RASA1: variants seen among roughly 807,000 people sequenced by gnomAD.
The protein encoded by RASA1 is RAS p21 protein activator 1.
Under a neutral mutation model 132.2 loss-of-function variants are expected in RASA1, and 25 were observed. That is an observed-to-expected ratio of 0.19 (90% CI 0.14 to 0.26). The LOEUF is 0.26. Ranked by LOEUF, RASA1 falls within the 10% of genes least tolerant of loss-of-function variation. The pLI is 1.00. For synonymous variants in RASA1, 477 were observed against 449.9 expected (o/e 1.06, Z -0.76); for missense variants, 964 against 1,299.2 (o/e 0.74, Z 3.97).
At chr5:87,337,356 A>G (rs1417127550) in intron 4 of RASA1, among the ~76,000 whole-genome samples, 1 of 152,042 alleles carries the variant, frequency 6.6e-6, no homozygotes, top group African/African-American at 2.4e-5. Flanking sequence ...TTCTCATAAT[A>G]TATCCCTTGG....
chr5:87,292,491 T>G (rs1163864103), intron 1 of RASA1, among the ~76,000 whole-genome samples: 1 of 152,074 alleles, frequency 6.6e-6, no homozygotes, highest in African/African-American at 2.4e-5. Flanking sequence ...TATTTGGGTC[T>G]GTTTCTGGGT....
At chr5:87,373,002 C>T (rs548796129) in intron 13 of RASA1, among the ~76,000 whole-genome samples, 1 of 152,208 alleles carries the variant, frequency 6.6e-6, no homozygotes, top group Non-Finnish European at 1.5e-5. Context: ...ATCGCCATGT[C>T]TTCATAACAT....
intron 1 of RASA1, among the ~76,000 whole-genome samples, chr5:87,282,844 A>AG (rs1226204026): frequency 5.3e-5 from 8 of 152,196 alleles, no homozygotes; most frequent in Non-Finnish European, 1.2e-4. Flanking sequence ...GTTGAAAAAA[A>AG]TAATTTTTAA....
rs180981993 is a variant in RASA1, at chr5:87,303,711, G to A, written c.540-27637G>A. ...ATATGGTTTCAGATTAATGTTCTAT[G>A]TTCACTTGAAAGGTATATATATATA... is the stretch of plus-strand genomic sequence containing the variant. On this transcript the variant is annotated intron_variant, in intron 1 of 24. Transcript: ENST00000274376. Among the ~76,000 whole-genome samples the A allele has an allele frequency of 2.0e-5, 3 of 151,504 alleles. No homozygotes were observed. The East Asian group carries it at 5.8e-4, about 29-fold the overall frequency.
chr5:87,360,164 T>TAAA (rs1298090682), intron 9 of RASA1, among the ~76,000 whole-genome samples: 12 of 151,840 alleles, frequency 7.9e-5, no homozygotes, highest in Non-Finnish European at 1.5e-4. Context: ...CGCTCTTTTT[T>TAAA]GCTCAGGCTT....
Position 87,309,796 on chromosome 5 carries a change from A to T in RASA1, c.540-21552A>T, listed in dbSNP as rs146633784. Reference sequence around the variant, plus strand: ...CTATAGTTTTTATAGTATTAAAAAAATACTTTAACTTGTTTAACATTTAAT... The same window carrying T: ...CTATAGTTTTTATAGTATTAAAAAATTACTTTAACTTGTTTAACATTTAAT... On this transcript the variant is annotated intron_variant, in intron 1 of 24. Coordinates refer to ENST00000274376, the MANE Select transcript of RASA1 (RefSeq NM_002890.3). Among the ~76,000 whole-genome samples, 403 of 152,220 alleles carry T rather than the reference A, an allele frequency of 2.6e-3. 5 individuals carry two copies. The highest frequency in any genetic ancestry group is 7.9e-3 in the East Asian group (41 of 5,184).
At chr5:87,281,904 T>A (rs1240696367) in intron 1 of RASA1, among the ~76,000 whole-genome samples, 1 of 152,086 alleles carries the variant, frequency 6.6e-6, no homozygotes, top group Non-Finnish European at 1.5e-5. Context: ...CGAGTTGAGT[T>A]TTTTTGTTTT....
At position 87,391,916 on chromosome 5, in the gene RASA1, A is replaced by T. The variant is rs1762555492; in HGVS notation, c.*1033A>T. On this transcript the variant is annotated 3_prime_UTR_variant, in exon 25 of 25. Transcript: ENST00000274376. Reference sequence around the variant, plus strand: ...AAAATAAAACCAAGGGATATCTTGCATAATTGATTACTTCTGTCTAAAAGA... The same window carrying T: ...AAAATAAAACCAAGGGATATCTTGCTTAATTGATTACTTCTGTCTAAAAGA... 4.4e-6 allele frequency: 1 copy of T among 227,680 alleles called. No homozygotes were observed. The highest frequency in any genetic ancestry group is 5.6e-5 in the Admixed American group (1 of 17,886). The allele number at this position is 227,680 out of a possible 1,614,324, so 14.1% of individuals were successfully genotyped here. A position where few individuals can be genotyped will look rare whatever the true frequency, so the allele number is the denominator to read the frequency against.
rs34385096 is a variant in RASA1 at position 87,268,835 on chromosome 5, C to T, written c.384C>T (p.Leu128=). The T allele has an allele frequency of 2.2e-4, 354 of 1,614,122 alleles. 2 individuals are homozygous for T. The African/African-American group carries it at 4.3e-3, about 19-fold the overall frequency. ...KLPTSLLAET[L]GPGGGFPPLP... ...CCACTTCGTTGCTTGCTGAGACTCT[C>T]GGGCCAGGCGGCGGTTTTCCCCCTC... The change falls in exon 1 of 25, where the codon CTC becomes CTT. Residue 128 remains leucine, a synonymous_variant. Coordinates refer to ENST00000274376, the MANE Select transcript of RASA1 (RefSeq NM_002890.3).
chr5:87,346,348 C>T lies in RASA1; in HGVS notation c.1050-324C>T, dbSNP rs77327598. On this transcript the variant is annotated intron_variant, in intron 6 of 24. Transcript: ENST00000274376. ...TCTGGAGTAGGCTCTATCTGTACTA[C>T]TCCTCCTTCCCCTTACCCCACAAAA... Among the ~76,000 whole-genome samples the T allele has an allele frequency of 6.7e-3, 1,025 of 151,924 alleles. 14 individuals are homozygous for T. The highest frequency in any genetic ancestry group is 0.023 in the African/African-American group (964 of 41,476).
At chr5:87,311,813 C>T (rs1755934774) in intron 1 of RASA1, among the ~76,000 whole-genome samples, 1 of 152,150 alleles carries the variant, frequency 6.6e-6, no homozygotes, top group African/African-American at 2.4e-5. Flanking sequence ...CAAGGCCCCT[C>T]CCGTAAATTA....
At chr5:87,355,127 A>G (rs1215909505) in intron 9 of RASA1, among the ~76,000 whole-genome samples, 1 of 152,224 alleles carries the variant, frequency 6.6e-6, no homozygotes, top group Admixed American at 6.5e-5. Context: ...TTTCCAGAAG[A>G]TAACTAGCAA....
chr5:87,352,814 C>G (rs1459006371), intron 8 of RASA1, among the ~76,000 whole-genome samples: 1 of 151,450 alleles, frequency 6.6e-6, no homozygotes, highest in Non-Finnish European at 1.5e-5. Flanking sequence ...TTCTTAGTAT[C>G]TCATATATAC....
At position 87,376,984 on chromosome 5, in the gene RASA1, A is replaced by T. The variant is rs373098580; in HGVS notation, c.2288A>T (p.Glu763Val). 6.9e-4 allele frequency: 1,110 copies of T among 1,613,786 alleles called. 18 individuals are homozygous for T. In the South Asian group the frequency reaches 0.011, roughly 16 times the overall value. Residue 763 changes from glutamate to valine, a missense_variant, in exon 17 of 25, where the codon GAA (glutamate) becomes GTA (valine). Coordinates refer to ENST00000274376, the MANE Select transcript of RASA1 (RefSeq NM_002890.3). ...ATCCTACTGAGGATTTTTCTTCACG[A>T]AAAGCTTGAATCGTTGTTGTTATGC... ...ASILLRIFLH[E>V]KLESLLLCTL...
rs1318199497 is a variant in RASA1, at chr5:87,377,032, G to A, written c.2336G>A (p.Ser779Asn). The A allele has an allele frequency of 3.1e-6, 5 of 1,613,648 alleles. No homozygotes were observed. The highest frequency in any genetic ancestry group is 4.2e-6 in the Non-Finnish European group (5 of 1,179,688). The change falls in exon 17 of 25, where the codon AGC becomes AAC. Residue 779 changes from serine to asparagine, a missense_variant. Ser to Asn is a conservative substitution (Grantham distance 46). Transcript: ENST00000274376. ...TGCACACTAAATGACAGAGAAATAA[G>A]CATGGAAGGTATGGTATGGCCATGT... is the stretch of plus-strand genomic sequence containing the variant. ...LLCTLNDREI[S>N]MEDEATTLFR...
chr5:87,362,619 A>G lies in RASA1; in HGVS notation c.1401A>G (p.Thr467=), dbSNP rs1239635800. 6.3e-7 allele frequency: 1 copy of G among 1,598,708 alleles called. No homozygotes were observed. Among genetic ancestry groups the G allele is most frequent in the Non-Finnish European group, 8.6e-7 (1 of 1,166,170 alleles). Residue 467 remains threonine (T), a synonymous_variant, in exon 10 of 25, where the codon ACA becomes ACG. Transcript: ENST00000274376. ...KEIYNTIRRK[T]KDAFYKNIVK... ...TCTATAATACCATCCGTCGTAAAAC[A>G]AAGGATGCCTTTTATAAAAACATTG... is the stretch of plus-strand genomic sequence containing the variant.
At chr5:87,341,162 TC>T in intron 5 of RASA1, 127 bp from the exon 6 acceptor site, 2 of 522,634 alleles carry the variant, frequency 3.8e-6, no homozygotes, top group South Asian at 2.0e-4. Context: ...AACAGAAACA[TC>T]TTTTTTTATA....
In RASA1 at chr5:87,358,066, A is replaced by G. The variant is rs189414733; in HGVS notation, c.1333-4485A>G. ...TAACTATTAGTACAAAAGCAATACT[A>G]TCTTTTTACTAATCGCCAAATTGAT... On this transcript the variant is annotated intron_variant, in intron 9 of 24. Transcript: ENST00000274376. 3.9e-5 allele frequency among the ~76,000 whole-genome samples: 6 copies of G among 152,288 alleles called. No individual in the cohort carries two copies. The South Asian group carries it at 8.3e-4, about 21-fold the overall frequency.
Position 87,383,769 on chromosome 5 carries a change from A to G in RASA1, c.2747A>G (p.Asn916Ser), listed in dbSNP as rs765747521. 2.7e-5 allele frequency: 43 copies of G among 1,610,472 alleles called. No individual in the cohort carries two copies. The highest frequency in any genetic ancestry group is 1.6e-4 in the Middle Eastern group (1 of 6,066). ...GCCATCCTGAATCCACGGATGTTCA[A>G]TATCATCTCAGGTAATCAGCTTTTG... ...CPAILNPRMF[N>S]IISDSPSPIA... Residue 916 changes from asparagine to serine, a missense_variant, in exon 21 of 25, where the codon AAT becomes AGT. By Grantham distance (46) the Asn-to-Ser change is conservative (BLOSUM62 1). This residue lies in a region of RASA1 where 107 missense variants were observed against 163.8 expected (regional missense o/e 0.65). Transcript: ENST00000274376.
Sources: gnomAD v4.1 joint callset for allele counts (sites outside exome capture counted in the v4.1 genomes callset) on GRCh38, gnomAD v4.1.1 for gene constraint, gnomAD v4.1.1 regional missense constraint, MANE v1.5 for transcripts, NCBI Gene and HGNC (gene_info 2026-07-23, HGNC 2026-07-21) for gene names.